NAA15: variants seen among roughly 807,000 people sequenced by gnomAD.
NAA15 encodes the protein N-terminal acetyltransferase.
In NAA15, 34 loss-of-function variants were observed where a neutral mutation model predicts 114.0. That is an observed-to-expected ratio of 0.30 (90% CI 0.23 to 0.40). NAA15 has a LOEUF of 0.40. Ranked by LOEUF, NAA15 falls within the 10% of genes least tolerant of loss-of-function variation. The pLI, the probability that NAA15 is intolerant of heterozygous loss-of-function variation, is 1.00. For missense variants in NAA15, 658 were observed against 1,004.5 expected (o/e 0.66, Z 4.66); for synonymous variants, 340 against 338.0 (o/e 1.01, Z -0.06).
chr4:139,322,560 T>G (rs1023956915), intron 1 of NAA15, among the ~76,000 whole-genome samples: 1 of 152,234 alleles, frequency 6.6e-6, no homozygotes, highest in Admixed American at 6.5e-5. Flanking sequence ...TACTTGGAAT[T>G]CAAATGTCTG....
At chr4:139,328,714 C>T (rs1335435340) in intron 1 of NAA15, among the ~76,000 whole-genome samples, 3 of 149,622 alleles carry the variant, frequency 2.0e-5, no homozygotes, top group Admixed American at 2.0e-4. Flanking sequence ...ACTACAGGCA[C>T]GTGCCACCAC....
At chr4:139,309,346 C>A in intron 1 of NAA15, among the ~76,000 whole-genome samples, 1 of 142,088 alleles carries the variant, frequency 7.0e-6, no homozygotes, top group African/African-American at 2.6e-5. Flanking sequence ...GAAACTTCGT[C>A]TCAAAAAAAA....
At chr4:139,342,670 G>A (rs531235272) in intron 4 of NAA15, among the ~76,000 whole-genome samples, 156 bp from the exon 5 acceptor site, 44 of 151,980 alleles carry the variant, frequency 2.9e-4, no homozygotes, top group African/African-American at 9.4e-4. Flanking sequence ...GGATGGTCTC[G>A]ATCTCTTGAC....
chr4:139,315,627 T>C (rs977788458), intron 1 of NAA15, among the ~76,000 whole-genome samples: 6 of 151,896 alleles, frequency 4.0e-5, no homozygotes, highest in Non-Finnish European at 7.4e-5. Flanking sequence ...CGTATACAAG[T>C]GCATGCCCAA....
rs768423087 is a variant in NAA15 at position 139,341,086 on chromosome 4, C to CTT, written c.402+26_402+27dup. On this transcript the variant is annotated intron_variant, in intron 4 of 19. Transcript: ENST00000296543. ...GGTTACAGGGTAAGTAAAATAGAGA[C>CTT]TTTTTTTTTTAATTCTAAGGGGAAA... The CTT allele has an allele frequency of 9.8e-6, 13 of 1,326,394 alleles. No individual in the cohort carries two copies. The South Asian group carries it at 1.0e-4, about 11-fold the overall frequency. 82.2% of individuals were successfully genotyped at this position (1,326,394 alleles called of 1,614,324 possible).
intron 1 of NAA15, among the ~76,000 whole-genome samples, chr4:139,319,188 G>A (rs566512129): frequency 6.6e-6 from 1 of 152,302 alleles, no homozygotes; most frequent in Admixed American, 6.5e-5. Flanking sequence ...TAGCTGTTCA[G>A]GAGGCTGAGG....
intron 1 of NAA15, among the ~76,000 whole-genome samples, chr4:139,315,101 C>T (rs902589170): frequency 2.9e-5 from 4 of 136,710 alleles, no homozygotes; most frequent in Admixed American, 7.3e-5. Flanking sequence ...CTCGCTCTTT[C>T]ACCCAGGCTG....
rs148551327 is a variant in NAA15, at chr4:139,375,170, C to T, written c.1948-1195C>T. Among the ~76,000 whole-genome samples, 167 of 152,314 alleles carry T rather than the reference C, an allele frequency of 1.1e-3. 3 individuals are homozygous for T. The East Asian group carries it at 0.03, about 27-fold the overall frequency. On this transcript the variant is annotated intron_variant, in intron 15 of 19. Coordinates refer to ENST00000296543, the MANE Select transcript of NAA15 (RefSeq NM_057175.5). ...ATTCCTATATAGTAGAATATGGAGT[C>T]ATGGGAGCAAGAAGTAAAATATGTA...
intron 3 of NAA15, 57 bp from the exon 4 acceptor site, chr4:139,340,855 G>A (rs555077159): frequency 6.6e-6 from 9 of 1,366,990 alleles, no homozygotes; most frequent in Non-Finnish European, 8.7e-6. Context: ...TTTTTGGGAG[G>A]TCGTTTGGAA....
intron 1 of NAA15, among the ~76,000 whole-genome samples, chr4:139,306,752 C>T (rs1169653218): frequency 6.6e-6 from 1 of 152,086 alleles, no homozygotes; most frequent in Admixed American, 6.6e-5. Flanking sequence ...ATTTATACCA[C>T]TTTGTTAGGA....
chr4:139,335,353 A>C (rs1344928353), intron 2 of NAA15, among the ~76,000 whole-genome samples: 1 of 152,104 alleles, frequency 6.6e-6, no homozygotes, highest in Non-Finnish European at 1.5e-5. Context: ...TTTTCCCTAC[A>C]TCATTTCACT....
At chr4:139,353,929 GTTTA>G (rs2110940923) in intron 9 of NAA15, 93 bp from the exon 10 acceptor site, 4 of 905,714 alleles carry the variant, frequency 4.4e-6, no homozygotes, top group African/African-American at 3.3e-5. Flanking sequence ...GTGTTGGAGT[GTTTA>G]TTTAGTGTTT....
Position 139,359,512 on chromosome 4 carries a change from A to T in NAA15, c.1258-231A>T, listed in dbSNP as rs546636279. On this transcript the variant is annotated intron_variant, in intron 11 of 19. Coordinates refer to ENST00000296543, the MANE Select transcript of NAA15 (RefSeq NM_057175.5). ...AATGGCGATATTAACAGTAGACAAA[A>T]CTATTAAAATAAATCTTTACTGTCA... 2.6e-5 allele frequency among the ~76,000 whole-genome samples: 4 copies of T among 152,356 alleles called. No individual in the cohort carries two copies. In the East Asian group the frequency reaches 7.7e-4, roughly 29 times the overall value.
rs199850570 is a variant in NAA15, at chr4:139,321,620, C to T, written c.55-12554C>T. On this transcript the variant is annotated intron_variant, in intron 1 of 19. Coordinates refer to ENST00000296543, the MANE Select transcript of NAA15 (RefSeq NM_057175.5). ...CCGAGTAGCTGGGACTACAGGCACCCGCCACCACGCCTGGCTAATTTTTTT... is the reference window on the plus strand; with the variant it reads ...CCGAGTAGCTGGGACTACAGGCACCTGCCACCACGCCTGGCTAATTTTTTT... Among the ~76,000 whole-genome samples, 1,109 of 151,004 alleles carry T rather than the reference C, an allele frequency of 7.3e-3. 9 individuals are homozygous for T. Among genetic ancestry groups the T allele is most frequent in the East Asian group, 0.029 (150 of 5,152 alleles).
At chr4:139,361,687 G>A (rs774123174) in intron 13 of NAA15, 37 bp from the exon 14 acceptor site, 6 of 1,309,786 alleles carry the variant, frequency 4.6e-6, no homozygotes, top group Non-Finnish European at 6.3e-6. Flanking sequence ...AGCCATTGCT[G>A]TACTTCGGTA....
intron 8 of NAA15, 49 bp downstream of exon 8, chr4:139,351,335 G>A: frequency 7.2e-7 from 1 of 1,382,966 alleles, no homozygotes; most frequent in East Asian, 2.3e-5. Context: ...ATGATTTAAA[G>A]TTTCTTTTCT....
At chr4:139,386,082 TA>T in intron 18 of NAA15, 50 bp from the exon 19 acceptor site, 1 of 934,692 alleles carries the variant, frequency 1.1e-6, no homozygotes. Flanking sequence ...AAGTAGAGGA[TA>T]AGATGTTGGT....
Position 139,351,452 on chromosome 4 carries a change from A to G in NAA15, c.908-53A>G, listed in dbSNP as rs565254704. On this transcript the variant is annotated intron_variant, in intron 8 of 19. Transcript: ENST00000296543. ...GTAAATGTAAGTAAATACTTTGGTA[A>G]ATGTAAGTAAATACTTGATAAATAT... is the stretch of plus-strand genomic sequence containing the variant. 2.8e-5 allele frequency: 33 copies of G among 1,170,060 alleles called. 1 individual carries two copies. In the South Asian group the frequency reaches 3.6e-4, roughly 13 times the overall value. The allele number at this position is 1,170,060 out of a possible 1,614,324, so 72.5% of individuals were successfully genotyped here. A position where few individuals can be genotyped will look rare whatever the true frequency, so the allele number is the denominator to read the frequency against.
chr4:139,334,335 T>C, intron 2 of NAA15, 77 bp downstream of exon 2: 1 of 941,988 alleles, frequency 1.1e-6, no homozygotes, highest in African/African-American at 1.7e-5. Context: ...CCAGCTGCCT[T>C]AACTGTTTTC....
Sources: gnomAD v4.1 joint callset for allele counts (sites outside exome capture counted in the v4.1 genomes callset) on GRCh38, gnomAD v4.1.1 for gene constraint, MANE v1.5 for transcripts, NCBI Gene and HGNC (gene_info 2026-07-23, HGNC 2026-07-21) for gene names.